PDE4D: variants seen among roughly 807,000 people sequenced by gnomAD.
The protein encoded by PDE4D is 3',5'-cyclic-AMP phosphodiesterase 4D.
A neutral mutation model predicts 87.4 loss-of-function variants in PDE4D; 24 were observed. That is an observed-to-expected ratio of 0.27 (90% CI 0.20 to 0.39). The LOEUF is 0.39. Among genes scored for constraint, PDE4D ranks in the 10% least tolerant of loss-of-function variants. The pLI, the probability that PDE4D is intolerant of heterozygous loss-of-function variation, is 1.00. For missense variants in PDE4D, 714 were observed against 1,041.0 expected, an observed-to-expected ratio of 0.69 and a Z score of 4.32; for synonymous variants, 384 against 383.2, an observed-to-expected ratio of 1.00 and a Z score of -0.02.
intron 6 of PDE4D, among the ~76,000 whole-genome samples, chr5:59,029,915 G>A (rs772111432): frequency 6.6e-6 from 1 of 150,870 alleles, no homozygotes; most frequent in Admixed American, 6.6e-5. Flanking sequence ...TTGACAAAGG[G>A]TCCAAGAACA....
chr5:59,755,564 AGAG>A (rs1404512491), intron 1 of PDE4D, among the ~76,000 whole-genome samples: 3 of 152,154 alleles, frequency 2.0e-5, no homozygotes, highest in Non-Finnish European at 2.9e-5. Flanking sequence ...GGTTCTATTC[AGAG>A]GAGAACTGTA....
At chr5:60,521,205 G>A (rs1425669268) in intron 1 of PDE4D, 1 of 152,108 alleles carries the variant, frequency 6.6e-6, no homozygotes, top group Non-Finnish European at 1.5e-5. Flanking sequence ...AAATACTGCT[G>A]GCCTACCCTG....
intron 1 of PDE4D, among the ~76,000 whole-genome samples, chr5:59,574,095 A>AAT (rs1822545616): frequency 1.3e-3 from 2 of 1,494 alleles, no homozygotes; most frequent in African/African-American, 3.4e-3. Flanking sequence ...TATATATATA[A>AAT]ATATATATTT....
At chr5:60,187,675 A>G (rs1411657097) in intron 1 of PDE4D, among the ~76,000 whole-genome samples, 7 of 152,198 alleles carry the variant, frequency 4.6e-5, no homozygotes, top group Non-Finnish European at 1.0e-4. Flanking sequence ...TCCTATGGGA[A>G]TTTAGAACTT....
chr5:60,045,177 C>T (rs1435160255), intron 2 of PDE4D, among the ~76,000 whole-genome samples: 1 of 151,816 alleles, frequency 6.6e-6, no homozygotes, highest in East Asian at 2.0e-4. Flanking sequence ...TGAGAAGTGT[C>T]TGTTCATGTC....
At chr5:60,478,845 T>C (rs537654947) in intron 1 of PDE4D, among the ~76,000 whole-genome samples, 6 of 152,314 alleles carry the variant, frequency 3.9e-5, no homozygotes, top group East Asian at 1.9e-4. Context: ...CAGAATCCAT[T>C]GTATATTCTT....
intron 1 of PDE4D, among the ~76,000 whole-genome samples, chr5:59,704,468 T>C (rs1216210998): frequency 6.6e-6 from 1 of 152,206 alleles, no homozygotes; most frequent in Non-Finnish European, 1.5e-5. Flanking sequence ...ACCTTTGTCA[T>C]TTTGTCATCC....
chr5:59,789,933 G>A (rs1279203715), intron 1 of PDE4D, among the ~76,000 whole-genome samples: 2 of 152,208 alleles, frequency 1.3e-5, no homozygotes, highest in Non-Finnish European at 2.9e-5. Flanking sequence ...ATTTCTTTCA[G>A]TGTGATCAAT....
chr5:59,607,896 T>C (rs1828435711), intron 1 of PDE4D, among the ~76,000 whole-genome samples: 1 of 152,114 alleles, frequency 6.6e-6, no homozygotes, highest in Admixed American at 6.6e-5. Context: ...AGAAGCTGAT[T>C]TGAGGATTTC....
chr5:59,667,865 C>T (rs1407015478), intron 1 of PDE4D, among the ~76,000 whole-genome samples: 1 of 152,218 alleles, frequency 6.6e-6, no homozygotes, highest in Non-Finnish European at 1.5e-5. Flanking sequence ...GGCATTCCAT[C>T]AACATCTGCC....
intron 3 of PDE4D, among the ~76,000 whole-genome samples, chr5:59,927,336 C>T (rs1755401842): frequency 6.6e-6 from 1 of 152,124 alleles, no homozygotes; most frequent in African/African-American, 2.4e-5. Flanking sequence ...TCCTCCCAGA[C>T]CTAGGAGGTT....
chr5:60,426,536 G>A (rs1247319135), intron 1 of PDE4D, among the ~76,000 whole-genome samples: 1 of 151,986 alleles, frequency 6.6e-6, no homozygotes, highest in East Asian at 1.9e-4. Context: ...GTTGGGGGGT[G>A]TGGGGGGTGG....
chr5:59,981,416 G>A (rs973071565), intron 3 of PDE4D, among the ~76,000 whole-genome samples: 2 of 152,150 alleles, frequency 1.3e-5, no homozygotes, highest in South Asian at 2.1e-4. Context: ...TAAATTGCAT[G>A]TAAATCAATC....
At chr5:59,682,623 T>C (rs187131997) in intron 1 of PDE4D, among the ~76,000 whole-genome samples, 1 of 152,282 alleles carries the variant, frequency 6.6e-6, no homozygotes, top group East Asian at 1.9e-4. Flanking sequence ...AATGCCCTTA[T>C]AAAAGAGACC....
chr5:59,264,379 G>T (rs150713622), intron 1 of PDE4D, among the ~76,000 whole-genome samples: 216 of 152,138 alleles, frequency 1.4e-3, no homozygotes, highest in Non-Finnish European at 2.5e-3. Flanking sequence ...TGCAATAATG[G>T]AGGGATTTCA....
At chr5:59,509,788 A>G (rs1325417821) in intron 1 of PDE4D, among the ~76,000 whole-genome samples, 1 of 149,404 alleles carries the variant, frequency 6.7e-6, no homozygotes, top group Non-Finnish European at 1.5e-5. Context: ...AAAGCAGGAT[A>G]AATAGGAAGC....
chr5:59,103,442 A>G (rs1455787692), intron 5 of PDE4D, among the ~76,000 whole-genome samples: 1 of 152,032 alleles, frequency 6.6e-6, no homozygotes, highest in Non-Finnish European at 1.5e-5. Flanking sequence ...TTGTTCAAAA[A>G]TGGGAAGTTT....
At chr5:60,233,872 C>A (rs578241687) in intron 1 of PDE4D, among the ~76,000 whole-genome samples, 9 of 151,796 alleles carry the variant, frequency 5.9e-5, no homozygotes, top group Non-Finnish European at 1.2e-4. Flanking sequence ...TGACCTTAGG[C>A]ACTCTGACCC....
chr5:59,407,596 G>A (rs1791924155), intron 1 of PDE4D, among the ~76,000 whole-genome samples: 1 of 152,204 alleles, frequency 6.6e-6, no homozygotes. Context: ...TTGAAACTTG[G>A]TAGAGACTGA....
Sources: allele counts gnomAD v4.1 joint callset (sites outside exome capture counted in the v4.1 genomes callset), GRCh38; gene constraint gnomAD v4.1.1; transcripts MANE v1.5; gene names NCBI Gene and HGNC (gene_info 2026-07-23, HGNC 2026-07-21).